The following SYT9 variants were observed in gnomAD, a reference collection of about 807,000 sequenced individuals.
The protein encoded by SYT9 is synaptotagmin 9.
A neutral mutation model predicts 48.4 loss-of-function variants in SYT9; 22 were observed. The ratio of observed to expected loss-of-function variants is 0.45; its 90% confidence interval spans 0.32 to 0.65. SYT9 has a LOEUF of 0.65. Among genes scored for constraint, SYT9 ranks in the 30% least tolerant of loss-of-function variants. The probability of loss-of-function intolerance (pLI) is 0.03; values close to 1 mark genes in which losing one functional copy is unlikely to be tolerated. For synonymous variants in SYT9, 265 were observed against 245.0 expected, an observed-to-expected ratio of 1.08 and a Z score of -0.76; for missense variants, 577 against 622.0, an observed-to-expected ratio of 0.93 and a Z score of 0.77.
intron 3 of SYT9, among the ~76,000 whole-genome samples, chr11:7,383,689 A>G (rs1189303744): frequency 1.3e-5 from 2 of 152,224 alleles, no homozygotes; most frequent in Non-Finnish European, 2.9e-5. Context: ...CCTTTTTATC[A>G]ACCTTATGCT....
intron 2 of SYT9, among the ~76,000 whole-genome samples, chr11:7,304,177 T>C (rs1269125872): frequency 6.6e-6 from 1 of 152,244 alleles, no homozygotes; most frequent in Non-Finnish European, 1.5e-5. Flanking sequence ...GTTTTAAGAA[T>C]GAAATGATGA....
intron 1 of SYT9, among the ~76,000 whole-genome samples, chr11:7,254,256 G>A (rs1447221736): frequency 6.6e-6 from 1 of 152,204 alleles, no homozygotes; most frequent in Non-Finnish European, 1.5e-5. Context: ...GGGTTTTGAA[G>A]TAGCCCCATG....
chr11:7,461,478 T>G (rs1199406326), intron 6 of SYT9: 1 of 152,316 alleles, frequency 6.6e-6, no homozygotes, highest in East Asian at 1.9e-4. Flanking sequence ...GTTCAAGTGA[T>G]TCTCCTGCCT....
intron 1 of SYT9, among the ~76,000 whole-genome samples, chr11:7,288,913 C>A (rs1215295627): frequency 6.6e-6 from 1 of 152,300 alleles, no homozygotes; most frequent in East Asian, 1.9e-4. Context: ...TTTAGGGAGG[C>A]ACTTCTATCT....
intron 3 of SYT9, among the ~76,000 whole-genome samples, chr11:7,415,639 C>T (rs1462113421): frequency 6.6e-6 from 1 of 152,000 alleles, no homozygotes; most frequent in East Asian, 1.9e-4. Flanking sequence ...GACTTAGAGG[C>T]TCTGTGTGCA....
chr11:7,418,971 C>A (rs573080296), intron 5 of SYT9, among the ~76,000 whole-genome samples: 1 of 152,330 alleles, frequency 6.6e-6, no homozygotes, highest in Non-Finnish European at 1.5e-5. Context: ...CCACATACCT[C>A]TGAAATATCA....
At chr11:7,282,453 A>G (rs1262937894) in intron 1 of SYT9, among the ~76,000 whole-genome samples, 1 of 152,204 alleles carries the variant, frequency 6.6e-6, no homozygotes, top group Non-Finnish European at 1.5e-5. Context: ...GTTTTATAAA[A>G]TATCCTTTGC....
At chr11:7,422,465 C>A (rs1847373801) in intron 6 of SYT9, among the ~76,000 whole-genome samples, 1 of 152,164 alleles carries the variant, frequency 6.6e-6, no homozygotes, top group Non-Finnish European at 1.5e-5. Flanking sequence ...CTGAACTATA[C>A]CTCACTTCTT....
At chr11:7,358,357 G>C (rs1277656409) in intron 3 of SYT9, among the ~76,000 whole-genome samples, 2 of 151,942 alleles carry the variant, frequency 1.3e-5, no homozygotes, top group Admixed American at 1.3e-4. Context: ...TTTATATTTG[G>C]TTATTAAATT....
At chr11:7,343,033 A>G (rs1376276618) in intron 3 of SYT9, among the ~76,000 whole-genome samples, 29 of 152,302 alleles carry the variant, frequency 1.9e-4, no homozygotes, top group Non-Finnish European at 1.2e-4. Context: ...TAGGGCACCA[A>G]GTCTTTAGGC....
intron 3 of SYT9, among the ~76,000 whole-genome samples, chr11:7,406,224 A>G (rs1847005180): frequency 6.6e-6 from 1 of 152,050 alleles, no homozygotes; most frequent in Non-Finnish European, 1.5e-5. Flanking sequence ...TATTGTTGCT[A>G]CTATAGTCAC....
chr11:7,360,516 C>G (rs1308318313), intron 3 of SYT9, among the ~76,000 whole-genome samples: 1 of 152,136 alleles, frequency 6.6e-6, no homozygotes, highest in Admixed American at 6.5e-5. Context: ...TTTGTATCCT[C>G]TTTAATTTCA....
intron 1 of SYT9, among the ~76,000 whole-genome samples, chr11:7,276,959 AAGG>A (rs1848407570): frequency 6.6e-6 from 1 of 151,746 alleles, no homozygotes; most frequent in Non-Finnish European, 1.5e-5. Context: ...GAGGCTGAGG[AAGG>A]AGAATTGCTT....
At chr11:7,351,234 T>C (rs1022628219) in intron 3 of SYT9, among the ~76,000 whole-genome samples, 1 of 152,202 alleles carries the variant, frequency 6.6e-6, no homozygotes, top group African/African-American at 2.4e-5. Context: ...CCTCGGTCTT[T>C]ATATAAGAAG....
intron 3 of SYT9, among the ~76,000 whole-genome samples, chr11:7,400,777 C>G (rs1846874282): frequency 6.6e-6 from 1 of 152,102 alleles, no homozygotes; most frequent in African/African-American, 2.4e-5. Context: ...GAAGCCACCT[C>G]CTAGTCCCTC....
Position 7,313,821 on chromosome 11 carries a change from C to T in SYT9, c.924C>T (p.Tyr308=), listed in dbSNP as rs769900541. The change falls in exon 3 of 7, where the codon TAC becomes TAT. Residue 308 remains tyrosine (Y), a synonymous_variant. Transcript: ENST00000318881. The part of the protein sequence containing the change: ...LEARKLHFSV[Y]DFDRFSRHDL... Reference sequence around the variant, plus strand: ...CACGGAAGCTTCACTTCTCTGTGTACGACTTTGACAGGTTCTCTCGTCATG... The same window carrying T: ...CACGGAAGCTTCACTTCTCTGTGTATGACTTTGACAGGTTCTCTCGTCATG... 9.3e-6 allele frequency: 15 copies of T among 1,614,048 alleles called. No individual in the cohort carries two copies. Among genetic ancestry groups the T allele is most frequent in the East Asian group, 4.5e-5 (2 of 44,890 alleles).
chr11:7,434,150 C>T (rs979989811), intron 6 of SYT9, among the ~76,000 whole-genome samples: 2 of 152,196 alleles, frequency 1.3e-5, no homozygotes, highest in Non-Finnish European at 1.5e-5. Flanking sequence ...AATTCAAACA[C>T]AATCTGTAAA....
chr11:7,312,192 C>G (rs1389544274), intron 2 of SYT9, among the ~76,000 whole-genome samples: 1 of 152,124 alleles, frequency 6.6e-6, no homozygotes, highest in Non-Finnish European at 1.5e-5. Flanking sequence ...AAGAGGAATG[C>G]TCAGCATAAC....
intron 4 of SYT9, among the ~76,000 whole-genome samples, chr11:7,417,400 C>T (rs1847272706): frequency 6.6e-6 from 1 of 152,148 alleles, no homozygotes; most frequent in South Asian, 2.1e-4. Flanking sequence ...CCCAAGGAAG[C>T]CTGTGGCCTT....
Sources: gnomAD v4.1 joint callset for allele counts (sites outside exome capture counted in the v4.1 genomes callset) on GRCh38, gnomAD v4.1.1 for gene constraint, MANE v1.5 for transcripts, NCBI Gene and HGNC (gene_info 2026-07-23, HGNC 2026-07-21) for gene names.